The following GPHN variants were observed in gnomAD, a reference collection of about 807,000 sequenced individuals.
GPHN encodes the protein gephyrin.
A neutral mutation model predicts 95.5 loss-of-function variants in GPHN; 17 were observed. The observed-to-expected ratio is 0.18, with a 90% confidence interval of 0.12 to 0.27. The LOEUF (loss-of-function observed/expected upper bound fraction) is 0.27, where lower values mean the gene tolerates loss of function less well. GPHN is among the 10% of genes least tolerant of loss of function. GPHN has a pLI of 1.00. For synonymous variants in GPHN, 320 were observed against 322.5 expected, an observed-to-expected ratio of 0.99 and a Z score of 0.08; for missense variants, 660 against 978.1, an observed-to-expected ratio of 0.67 and a Z score of 4.34.
the GPHN span, among the ~76,000 whole-genome samples, chr14:67,609,814 C>CTAGG: frequency 1.6e-4 from 25 of 152,084 alleles, no homozygotes; most frequent in Non-Finnish European, 3.1e-4. Context: ...TGGGGATCCG[C>CTAGG]TAGGGGCTGG....
chr14:67,419,578 C>G, the GPHN span, among the ~76,000 whole-genome samples: 1 of 152,188 alleles, frequency 6.6e-6, no homozygotes, highest in Non-Finnish European at 1.5e-5. Context: ...AAGGCTGCAT[C>G]CAGGCGGGGG....
chr14:66,841,043 A>G (rs1306636289), intron 4 of GPHN, among the ~76,000 whole-genome samples: 1 of 145,796 alleles, frequency 6.9e-6, no homozygotes, highest in East Asian at 2.0e-4. Flanking sequence ...AGGTATAGAT[A>G]TAGATATATA....
chr14:67,640,383 A>G, the GPHN span, among the ~76,000 whole-genome samples: 1 of 152,180 alleles, frequency 6.6e-6, no homozygotes, highest in Non-Finnish European at 1.5e-5. Flanking sequence ...GGAGGAAAAA[A>G]AGAATAGGAC....
chr14:66,940,334 A>G (rs920242982), intron 8 of GPHN, among the ~76,000 whole-genome samples: 2 of 152,134 alleles, frequency 1.3e-5, no homozygotes, highest in Non-Finnish European at 2.9e-5. Context: ...ATGACTACTC[A>G]TGTAGAAAGA....
intron 9 of GPHN, among the ~76,000 whole-genome samples, chr14:66,996,855 G>A (rs1294294114): frequency 6.6e-6 from 1 of 152,016 alleles, no homozygotes; most frequent in African/African-American, 2.4e-5. Flanking sequence ...TATTTTACAT[G>A]AAATTTGGCC....
the GPHN span, among the ~76,000 whole-genome samples, chr14:67,689,291 T>A: frequency 6.6e-6 from 1 of 152,260 alleles, no homozygotes; most frequent in Non-Finnish European, 1.5e-5. Flanking sequence ...CTGTGCCTGA[T>A]TCCTTGAGCC....
chr14:66,888,754 A>C (rs963164003), intron 5 of GPHN, among the ~76,000 whole-genome samples: 1 of 152,120 alleles, frequency 6.6e-6, no homozygotes, highest in African/African-American at 2.4e-5. Context: ...TTTAAGTGTA[A>C]ATGGATTAAA....
the GPHN span, chr14:67,690,156 G>T: frequency 2.0e-6 from 3 of 1,501,534 alleles, no homozygotes; most frequent in Non-Finnish European, 2.8e-6. Context: ...CATTCCTGTG[G>T]CTTTTACCTG....
the GPHN span, among the ~76,000 whole-genome samples, chr14:67,234,877 C>G: frequency 6.7e-5 from 10 of 148,830 alleles, no homozygotes; most frequent in African/African-American, 2.2e-4. Flanking sequence ...AAGTTCAGGC[C>G]GGGTGCGGTG....
At chr14:67,451,497 C>T in the GPHN span, among the ~76,000 whole-genome samples, 2 of 152,246 alleles carry the variant, frequency 1.3e-5, no homozygotes, top group African/African-American at 2.4e-5. Flanking sequence ...GAACCTTCCT[C>T]TTGCATCAGT....
At chr14:66,908,148 T>TA (rs1350911767) in intron 5 of GPHN, among the ~76,000 whole-genome samples, 1 of 152,036 alleles carries the variant, frequency 6.6e-6, no homozygotes, top group Non-Finnish European at 1.5e-5. Flanking sequence ...TCTTAGTTTT[T>TA]ATTACCATTT....
intron 1 of GPHN, among the ~76,000 whole-genome samples, chr14:66,639,828 A>G (rs981780990): frequency 6.6e-6 from 1 of 152,094 alleles, no homozygotes; most frequent in Non-Finnish European, 1.5e-5. Context: ...TACATCTACA[A>G]ATTTTAACAG....
At chr14:66,753,145 G>A (rs185269742) in intron 2 of GPHN, among the ~76,000 whole-genome samples, 1 of 152,054 alleles carries the variant, frequency 6.6e-6, no homozygotes, top group Non-Finnish European at 1.5e-5. Context: ...ACTGTTGGGG[G>A]TGGAGTGGAC....
chr14:66,961,147 C>G (rs2068874282), intron 8 of GPHN, among the ~76,000 whole-genome samples: 1 of 151,954 alleles, frequency 6.6e-6, no homozygotes, highest in Non-Finnish European at 1.5e-5. Context: ...TACTACAGAC[C>G]TGTATTGGAA....
At chr14:67,390,467 C>G in the GPHN span, among the ~76,000 whole-genome samples, 1 of 152,174 alleles carries the variant, frequency 6.6e-6, no homozygotes, top group Non-Finnish European at 1.5e-5. Context: ...ATGGAAGAAA[C>G]GGCTCAAGAA....
the GPHN span, among the ~76,000 whole-genome samples, chr14:67,664,622 G>T: frequency 5.3e-5 from 8 of 151,450 alleles, no homozygotes; most frequent in East Asian, 1.6e-3. Context: ...TCAGCCTCCC[G>T]AGCAGCTGGG....
chr14:66,961,939 T>TAC (rs2068962635), intron 8 of GPHN, among the ~76,000 whole-genome samples: 1 of 79,440 alleles, frequency 1.3e-5, no homozygotes, highest in Admixed American at 1.5e-4. Flanking sequence ...TATATATATA[T>TAC]ATATATATAC....
intron 1 of GPHN, among the ~76,000 whole-genome samples, chr14:66,531,797 A>C (rs1358452287): frequency 6.6e-6 from 1 of 152,190 alleles, no homozygotes; most frequent in African/African-American, 2.4e-5. Context: ...AATGGTTCAC[A>C]TTTTAAGGTA....
intron 2 of GPHN, among the ~76,000 whole-genome samples, chr14:66,770,240 A>G (rs1260040391): frequency 6.6e-6 from 1 of 152,214 alleles, no homozygotes; most frequent in Non-Finnish European, 1.5e-5. Flanking sequence ...CCTTTGTCAG[A>G]TGCATAGCTT....
Sources: allele counts gnomAD v4.1 joint callset (sites outside exome capture counted in the v4.1 genomes callset), GRCh38; gene constraint gnomAD v4.1.1; transcripts MANE v1.5; gene names NCBI Gene and HGNC (gene_info 2026-07-23, HGNC 2026-07-21).